Variants in MCRIP1 observed in about 807,000 individuals in gnomAD.
MCRIP1 encodes the protein mapk-regulated corepressor-interacting protein 1.
A neutral mutation model predicts 14.4 loss-of-function variants in MCRIP1; 10 were observed. The observed-to-expected ratio is 0.70, with a 90% CI of 0.43 to 1.18. The LOEUF (loss-of-function observed/expected upper bound fraction) is 1.18, where lower values mean the gene tolerates loss of function less well. Ranked by LOEUF, MCRIP1 falls within the 50% of genes most tolerant of loss-of-function variation. The pLI, the probability that MCRIP1 is intolerant of heterozygous loss-of-function variation, is 0.00. For missense variants in MCRIP1, 119 were observed against 135.4 expected (o/e 0.88, Z 0.60); for synonymous variants, 53 against 55.7 (o/e 0.95, Z 0.21).
chr17:81,824,844 C>T (rs532998158), intron 1 of MCRIP1: 82 of 1,297,448 alleles, frequency 6.3e-5, no homozygotes, highest in East Asian at 3.8e-4. Context: ...CAGGCTCAGA[C>T]GTGGAGGCCT....
chr17:81,829,528 GT>G (rs2038477774), intron 1 of MCRIP1, among the ~76,000 whole-genome samples: 1 of 152,240 alleles, frequency 6.6e-6, no homozygotes, highest in Non-Finnish European at 1.5e-5. Context: ...TTCTTTCATA[GT>G]TTTCATATTT....
At chr17:81,826,305 G>A in intron 1 of MCRIP1, 1 of 1,535,128 alleles carries the variant, frequency 6.5e-7, no homozygotes, top group South Asian at 1.2e-5. Flanking sequence ...CCACACACAT[G>A]CATACAACCG....
chr17:81,826,465 G>C (rs942177995), intron 1 of MCRIP1: 145 of 1,250,396 alleles, frequency 1.2e-4, no homozygotes, highest in Non-Finnish European at 1.5e-4. Flanking sequence ...CAAGGCTGCA[G>C]GGAGCCAAGA....
In MCRIP1 at chr17:81,823,975, A is replaced by G. The variant is rs1215527713; in HGVS notation, c.127+312T>C. 6.6e-6 allele frequency among the ~76,000 whole-genome samples: 1 copy of G among 150,744 alleles called. No homozygotes were observed. The highest frequency in any genetic ancestry group is 1.5e-5 in the Non-Finnish European group (1 of 67,636). ...AAAGGCCCCTCCCTTTCCCCAGCAA[A>G]CTCCTCCAGTGCTGCTAGCATGGAT... is the stretch of plus-strand genomic sequence containing the variant. On this transcript the variant is annotated intron_variant, in intron 3 of 4. Transcript: ENST00000455127. The surrounding 1 kb of genome is among the most constrained non-coding windows in gnomAD (Gnocchi z 6.0).
At position 81,823,814 on chromosome 17, in the gene MCRIP1, G is replaced by C. The variant is rs1436842235; in HGVS notation, c.128-301C>G. The C allele has an allele frequency of 3.5e-6, 2 of 575,366 alleles. No individual in the cohort carries two copies. Among genetic ancestry groups the C allele is most frequent in the Non-Finnish European group, 3.1e-6 (1 of 324,198 alleles). 35.6% of individuals were successfully genotyped at this position (575,366 alleles called of 1,614,324 possible). A position where few individuals can be genotyped will look rare whatever the true frequency, so the allele number is the denominator to read the frequency against. On this transcript the variant is annotated intron_variant, in intron 3 of 4. Coordinates refer to ENST00000455127, the MANE Select transcript of MCRIP1 (RefSeq NM_207368.5). This position sits in a 1 kb window ranked among gnomAD's most constrained non-coding sequence, Gnocchi z 6.0. Reference sequence around the variant, plus strand: ...GAGGCAGCGCATCCTCCTCAGCTAGGCCTCTATCTTTCCCACCTCATCCAC... The same window carrying C: ...GAGGCAGCGCATCCTCCTCAGCTAGCCCTCTATCTTTCCCACCTCATCCAC...
chr17:81,823,556 G>A lies in MCRIP1; in HGVS notation c.128-43C>T, dbSNP rs1210462221. The A allele has an allele frequency of 6.6e-7, 1 of 1,503,820 alleles. No homozygotes were observed. Among genetic ancestry groups the A allele is most frequent in the Non-Finnish European group, 8.9e-7 (1 of 1,118,848 alleles). 93.2% of individuals were successfully genotyped at this position (1,503,820 alleles called of 1,614,324 possible). ...GGTGTGCTCAGGGCCCCCTGCCCCA[G>A]GGGGTGGCATCCACGTCACGAGAGT... On this transcript the variant is annotated intron_variant, in intron 3 of 4. Transcript: ENST00000455127. The surrounding 1 kb of genome is among the most constrained non-coding windows in gnomAD (Gnocchi z 6.0).
intron 1 of MCRIP1, among the ~76,000 whole-genome samples, chr17:81,826,879 G>A (rs1442612988): frequency 6.6e-6 from 1 of 150,540 alleles, no homozygotes; most frequent in Non-Finnish European, 1.5e-5. Flanking sequence ...CAGCACTTTG[G>A]GAGGCCGAGG....
rs2038308746 is a variant in MCRIP1, at chr17:81,823,235, G to A, written c.*12C>T. 1.3e-5 allele frequency: 20 copies of A among 1,535,946 alleles called. No individual in the cohort carries two copies. Among genetic ancestry groups the A allele is most frequent in the Non-Finnish European group, 1.7e-5 (20 of 1,146,640 alleles). Reference sequence around the variant, plus strand: ...CTGATCTTCCGGAGGCCGGGGAGGGGCACCGGGCGCTCTAGGACTTCTTGG... The same window carrying A: ...CTGATCTTCCGGAGGCCGGGGAGGGACACCGGGCGCTCTAGGACTTCTTGG... On this transcript the variant is annotated 3_prime_UTR_variant, in exon 5 of 5. Transcript: ENST00000455127. The surrounding 1 kb of genome is among the most constrained non-coding windows in gnomAD (Gnocchi z 6.0).
chr17:81,825,667 A>G (rs1046303781), intron 1 of MCRIP1: 2 of 1,289,182 alleles, frequency 1.6e-6, no homozygotes, highest in Non-Finnish European at 2.0e-6. Context: ...ACCAGCAAAG[A>G]GCAGAAAACC....
In MCRIP1 at chr17:81,827,620, G is replaced by C. The variant is rs550052827; in HGVS notation, c.-48-3066C>G. 5.3e-5 allele frequency among the ~76,000 whole-genome samples: 8 copies of C among 151,700 alleles called. No homozygotes were observed. In the East Asian group the frequency reaches 1.6e-3, roughly 30 times the overall value. Reference sequence around the variant, plus strand: ...TATAAAAACTTTGGCAGGAGTGATGGCTGAGGTGGTAGGATTGCTTGAGCT... The same window carrying C: ...TATAAAAACTTTGGCAGGAGTGATGCCTGAGGTGGTAGGATTGCTTGAGCT... On this transcript the variant is annotated intron_variant, in intron 1 of 4. Transcript: ENST00000455127.
At chr17:81,825,971 C>T (rs1277184355) in intron 1 of MCRIP1, 2 of 1,323,958 alleles carry the variant, frequency 1.5e-6, no homozygotes, top group East Asian at 4.7e-5. Flanking sequence ...TGGCCAGCCC[C>T]CTGCCTCGCC....
At chr17:81,825,054 T>C (rs2038361217) in intron 1 of MCRIP1, 10 of 1,012,880 alleles carry the variant, frequency 9.9e-6, no homozygotes, top group Middle Eastern at 5.0e-4. Flanking sequence ...AAAACGGGGA[T>C]GAGCTTCCTA....
At chr17:81,825,238 C>A in intron 1 of MCRIP1, 2 of 1,084,912 alleles carry the variant, frequency 1.8e-6, no homozygotes, top group Non-Finnish European at 2.3e-6. Flanking sequence ...CCTGGGCTGC[C>A]GCCCGTTTAT....
At chr17:81,830,760 C>T (rs567829372) in intron 1 of MCRIP1, among the ~76,000 whole-genome samples, 143 of 151,510 alleles carry the variant, frequency 9.4e-4, no homozygotes, top group African/African-American at 3.3e-3. Flanking sequence ...CGGTGACTCA[C>T]GCCTGTAATC....
chr17:81,824,778 C>T, intron 1 of MCRIP1: 1 of 1,415,004 alleles, frequency 7.1e-7, no homozygotes, highest in Non-Finnish European at 9.2e-7. Context: ...ACGAGCCAGA[C>T]ACACACACAA....
In MCRIP1 at chr17:81,823,029, G is replaced by T; in HGVS notation, c.*218C>A. 6.5e-6 allele frequency: 4 copies of T among 611,694 alleles called. No homozygotes were observed. In the South Asian group the frequency reaches 7.8e-5, roughly 12 times the overall value. The allele number at this position is 611,694 out of a possible 1,614,324, so 37.9% of individuals were successfully genotyped here. A position where few individuals can be genotyped will look rare whatever the true frequency, so the allele number is the denominator to read the frequency against. ...GGGGGAGGGCAGGAGGGTGGGCAGGGCCCAGACCCCCATGATGGGGGCAGC... is the reference window on the plus strand; with the variant it reads ...GGGGGAGGGCAGGAGGGTGGGCAGGTCCCAGACCCCCATGATGGGGGCAGC... On this transcript the variant is annotated 3_prime_UTR_variant, in exon 5 of 5. Transcript: ENST00000455127. This position sits in a 1 kb window ranked among gnomAD's most constrained non-coding sequence, Gnocchi z 6.0.
chr17:81,826,688 AGG>A (rs2038406082), intron 1 of MCRIP1: 6 of 365,136 alleles, frequency 1.6e-5, no homozygotes, highest in Admixed American at 1.3e-4. Flanking sequence ...GCGTGGTGGC[AGG>A]CACCCGTAAT....
intron 1 of MCRIP1, chr17:81,825,769 T>C (rs1270025924): frequency 1.6e-6 from 2 of 1,289,364 alleles, no homozygotes; most frequent in East Asian, 5.6e-5. Context: ...AGCACCCAGT[T>C]TGCTCACAAA....
At chr17:81,832,975 G>C (rs1440839879) in intron 1 of MCRIP1, among the ~76,000 whole-genome samples, 1 of 151,986 alleles carries the variant, frequency 6.6e-6, no homozygotes, top group East Asian at 1.9e-4. Context: ...ACCTGCCCCT[G>C]CCTGGGCGGG....
Sources: allele counts gnomAD v4.1 joint callset (sites outside exome capture counted in the v4.1 genomes callset), GRCh38; gene constraint gnomAD v4.1.1; non-coding constraint Gnocchi (gnomAD v3.1); transcripts MANE v1.5; gene names NCBI Gene and HGNC (gene_info 2026-07-23, HGNC 2026-07-21).